ALPL: variants seen among roughly 807,000 people sequenced by gnomAD.
The protein encoded by ALPL is alkaline phosphatase, tissue-nonspecific isozyme.
In ALPL, 42 loss-of-function variants were observed where a neutral mutation model predicts 51.3. The ratio of observed to expected loss-of-function variants is 0.82; its 90% confidence interval spans 0.64 to 1.06. The LOEUF (loss-of-function observed/expected upper bound fraction) is 1.06. Ranked by LOEUF, ALPL falls within the 50% of genes least tolerant of loss-of-function variation. The pLI is 0.00. For synonymous variants in ALPL, 279 were observed against 296.4 expected (o/e 0.94, Z 0.60); for missense variants, 589 against 709.4 (o/e 0.83, Z 1.93).
intron 1 of ALPL, among the ~76,000 whole-genome samples, chr1:21,543,370 G>A (rs1644214473): frequency 6.6e-6 from 1 of 151,916 alleles, no homozygotes; most frequent in Non-Finnish European, 1.5e-5. Flanking sequence ...TATAGACAGG[G>A]TAGGGACGAT....
intron 1 of ALPL, among the ~76,000 whole-genome samples, chr1:21,535,868 T>G (rs1570212646): frequency 6.6e-6 from 1 of 152,240 alleles, no homozygotes; most frequent in Admixed American, 6.5e-5. Context: ...GGCTTGGCCC[T>G]GCCCCTGTTT....
chr1:21,558,995 G>T (rs1383537279), intron 2 of ALPL, among the ~76,000 whole-genome samples: 1 of 152,210 alleles, frequency 6.6e-6, no homozygotes, highest in Non-Finnish European at 1.5e-5. Context: ...GCTGTGTGGG[G>T]GGTCCCTGGC....
chr1:21,567,465 G>A (rs1019330826), intron 6 of ALPL, among the ~76,000 whole-genome samples: 1 of 152,238 alleles, frequency 6.6e-6, no homozygotes, highest in African/African-American at 2.4e-5. Flanking sequence ...CCCAGGCTGC[G>A]GTGGGCTGGC....
intron 1 of ALPL, among the ~76,000 whole-genome samples, chr1:21,539,068 T>C (rs1231600277): frequency 6.6e-6 from 1 of 152,244 alleles, no homozygotes; most frequent in African/African-American, 2.4e-5. Context: ...ATAATGTGTC[T>C]GTGTAATGTA....
chr1:21,510,690 A>G (rs148515014), intron 1 of ALPL, among the ~76,000 whole-genome samples: 1 of 152,186 alleles, frequency 6.6e-6, no homozygotes, highest in African/African-American at 2.4e-5. Flanking sequence ...TGCCTAAGAG[A>G]TAGGGGGCTG....
At position 21,564,200 on chromosome 1, in the gene ALPL, A is replaced by G; in HGVS notation, c.632A>G (p.Asn211Ser). The change falls in exon 6 of 12, where the codon AAC (asparagine) becomes AGC (serine). Residue 211 changes from asparagine to serine, a missense_variant. Physicochemically the swap from Asn to Ser is conservative, Grantham distance 46 (BLOSUM62 1). Coordinates refer to ENST00000374840, the MANE Select transcript of ALPL (RefSeq NM_000478.6). This position sits in a 1 kb window ranked among gnomAD's most constrained non-coding sequence, Gnocchi z 5.8. ...CKDIAYQLMH[N>S]IRDIDVIMGG... is the part of the protein sequence containing the mutation. ...GACATCGCCTACCAGCTCATGCATA[A>G]CATCAGGGACATTGACGTGAGTGCT... 1 of 1,613,846 alleles carries G rather than the reference A, an allele frequency of 6.2e-7. No homozygotes were observed. The highest frequency in any genetic ancestry group is 8.5e-7 in the Non-Finnish European group (1 of 1,179,966).
Position 21,560,699 on chromosome 1 carries a change from G to A in ALPL, c.135G>A (p.Lys45=), listed in dbSNP as rs1420803033. 7 of 1,614,074 alleles carry A rather than the reference G, an allele frequency of 4.3e-6. No individual in the cohort carries two copies. The highest frequency in any genetic ancestry group is 5.9e-6 in the Non-Finnish European group (7 of 1,180,054). Residue 45 remains lysine, a synonymous_variant, in exon 3 of 12, where the codon AAG becomes AAA. Transcript: ENST00000374840. ...TGAAATATGCCCTGGAGCTTCAGAA[G>A]CTCAACACCAACGTGGCTAAGAATG... ...ETLKYALELQ[K]LNTNVAKNVI...
At chr1:21,573,511 A>G (rs1187092500) in intron 8 of ALPL, among the ~76,000 whole-genome samples, 154 bp from the exon 9 acceptor site, 1 of 152,082 alleles carries the variant, frequency 6.6e-6, no homozygotes, top group Non-Finnish European at 1.5e-5. Context: ...TGGGCCCACA[A>G]AAATCACCCA....
chr1:21,523,712 G>T (rs912495323), intron 1 of ALPL, among the ~76,000 whole-genome samples: 6 of 152,174 alleles, frequency 3.9e-5, no homozygotes, highest in Non-Finnish European at 5.9e-5. Context: ...CAGTAACAGG[G>T]ACAACCACCC....
chr1:21,560,070 T>G (rs1644463052), intron 2 of ALPL, among the ~76,000 whole-genome samples: 2 of 152,248 alleles, frequency 1.3e-5, no homozygotes, highest in African/African-American at 4.8e-5. Context: ...ATTTGACATA[T>G]TAAGCAAAAG....
rs569711774 is a variant in ALPL, at chr1:21,576,481, G to A, written c.1190-41G>A. On this transcript the variant is annotated intron_variant, in intron 10 of 11. Transcript: ENST00000374840. ...TCTGGGGGCTGGGGACTGTACTCCT[G>A]GGGCCCCAGCATGACCCCTGAACAC... 2.2e-5 allele frequency: 36 copies of A among 1,609,520 alleles called. 1 individual carries two copies. The African/African-American group carries it at 4.4e-4, about 20-fold the overall frequency.
intron 1 of ALPL, among the ~76,000 whole-genome samples, chr1:21,535,097 T>G (rs1420486819): frequency 6.6e-6 from 1 of 152,242 alleles, no homozygotes; most frequent in African/African-American, 2.4e-5. Flanking sequence ...CAATAAACAG[T>G]GTTCCAGCGA....
At chr1:21,543,786 C>T (rs1041749832) in intron 1 of ALPL, among the ~76,000 whole-genome samples, 11 of 152,288 alleles carry the variant, frequency 7.2e-5, no homozygotes, top group African/African-American at 2.4e-4. Flanking sequence ...TGCTCTAGAC[C>T]GGGGGCTCCC....
intron 1 of ALPL, among the ~76,000 whole-genome samples, chr1:21,542,360 G>C (rs1416464818): frequency 6.6e-6 from 1 of 152,228 alleles, no homozygotes; most frequent in African/African-American, 2.4e-5. Flanking sequence ...CTGGCTCCAA[G>C]CTGACTCAGT....
At position 21,568,214 on chromosome 1, in the gene ALPL, T is replaced by C. The variant is rs1264710333; in HGVS notation, c.759T>C (p.Val253=). 1 of 1,614,076 alleles carries C rather than the reference T, an allele frequency of 6.2e-7. No individual in the cohort carries two copies. Among genetic ancestry groups the C allele is most frequent in the South Asian group, 1.1e-5 (1 of 91,070 alleles). The stretch of plus-strand genomic sequence containing the variant: ...CGAGGCTGGACGGCCTGGACCTCGT[T>C]GACACCTGGAAGAGCTTCAAACCGA... ...RGTRLDGLDL[V]DTWKSFKPRY... The change falls in exon 7 of 12, where the codon GTT becomes GTC. Residue 253 remains valine (V), a synonymous_variant. Transcript: ENST00000374840.
intron 1 of ALPL, among the ~76,000 whole-genome samples, chr1:21,518,378 C>G (rs1643841041): frequency 6.6e-6 from 1 of 152,144 alleles, no homozygotes; most frequent in African/African-American, 2.4e-5. Context: ...CACATTTAAT[C>G]CTTATACCAG....
chr1:21,557,692 C>T (rs1361541292), intron 2 of ALPL, among the ~76,000 whole-genome samples: 5 of 152,204 alleles, frequency 3.3e-5, no homozygotes, highest in Admixed American at 3.3e-4. Flanking sequence ...ACCATGGCCT[C>T]CAAAAGTGCT....
At chr1:21,513,138 A>T (rs1643724892) in intron 1 of ALPL, among the ~76,000 whole-genome samples, 1 of 151,952 alleles carries the variant, frequency 6.6e-6, no homozygotes, top group South Asian at 2.1e-4. Context: ...GGAGACATAG[A>T]TCCCCAGAAT....
At chr1:21,515,444 A>G (rs540331786) in intron 1 of ALPL, among the ~76,000 whole-genome samples, 2 of 152,302 alleles carry the variant, frequency 1.3e-5, no homozygotes, top group Admixed American at 1.3e-4. Flanking sequence ...GCTGGAGTGC[A>G]GTGGCGTGAT....
Sources: gnomAD v4.1 joint callset for allele counts (sites outside exome capture counted in the v4.1 genomes callset) on GRCh38, gnomAD v4.1.1 for gene constraint, Gnocchi (gnomAD v3.1) non-coding constraint, MANE v1.5 for transcripts, NCBI Gene and HGNC (gene_info 2026-07-23, HGNC 2026-07-21) for gene names.